Variants in TM6SF2 observed in about 807,000 individuals in gnomAD.
TM6SF2 encodes transmembrane 6 superfamily member 2.
TM6SF2 carries 29 observed loss-of-function variants against 41.0 expected under a neutral mutation model. That is an observed-to-expected ratio of 0.71 (90% CI 0.53 to 0.96). The LOEUF is 0.96. Ranked by LOEUF, TM6SF2 falls within the 50% of genes least tolerant of loss-of-function variation. The pLI, the probability that TM6SF2 is intolerant of heterozygous loss-of-function variation, is 0.00. For missense variants in TM6SF2, 475 were observed against 499.0 expected (o/e 0.95, Z 0.46); for synonymous variants, 200 against 209.1 (o/e 0.96, Z 0.37).
At chr19:19,273,058 T>TGCTTG in intron 1 of TM6SF2, 63 bp downstream of exon 1, 1 of 470,242 alleles carries the variant, frequency 2.1e-6, no homozygotes, top group East Asian at 4.1e-5. Flanking sequence ...CCACCTCCAG[T>TGCTTG]CCTCCCCGCC....
intron 1 of TM6SF2, among the ~76,000 whole-genome samples, chr19:19,272,692 G>GGTGTGT (rs55690765): frequency 0.09 from 12,285 of 136,674 alleles, 547 homozygotes; most frequent in Middle Eastern, 0.16. Flanking sequence ...AATGGAGTAG[G>GGTGTGT]GTGTGTGTGT....
Position 19,264,711 on chromosome 19 carries a change from G to C in TM6SF2, c.1087C>G (p.Gln363Glu), listed in dbSNP as rs1358568551. ...RCLQWPAFFH[Q>E]PPPSDPLALH... ...GCTAGGGGGTCGGAGGGTGGTGGCT[G>C]GTGGAAGAATGCGGGCCACTGAAGG... is the stretch of plus-strand genomic sequence containing the variant. Residue 363 changes from glutamine to glutamate, a missense_variant, in exon 10 of 10, where the codon CAG becomes GAG. Physicochemically the swap from Gln to Glu is conservative, Grantham distance 29 (BLOSUM62 2). This residue lies in a region of TM6SF2 where 190 missense variants were observed against 190.2 expected (regional missense o/e 1.00). Coordinates refer to ENST00000389363, the MANE Select transcript of TM6SF2 (RefSeq NM_001001524.3). 1 of 1,590,530 alleles carries C rather than the reference G, an allele frequency of 6.3e-7. No individual in the cohort carries two copies. Among genetic ancestry groups the C allele is most frequent in the African/African-American group, 1.3e-5 (1 of 74,132 alleles).
chr19:19,272,715 G>GTA (rs1398954340), intron 1 of TM6SF2, among the ~76,000 whole-genome samples: 1 of 148,186 alleles, frequency 6.7e-6, no homozygotes, highest in African/African-American at 2.5e-5. Flanking sequence ...GTGTGTGTGT[G>GTA]TGTGTGTGTG....
At chr19:19,267,347 C>T (rs1014956181) in intron 8 of TM6SF2, among the ~76,000 whole-genome samples, 3 of 137,782 alleles carry the variant, frequency 2.2e-5, no homozygotes, top group East Asian at 2.1e-4. Flanking sequence ...CAGCCTGGGC[C>T]ACAAGAGCAA....
Position 19,264,829 on chromosome 19 carries a change from G to C in TM6SF2, c.969C>G (p.Pro323=), listed in dbSNP as rs749478341. ...HMGASMHLRT[P]FTYRVPEDTW... is the part of the protein sequence containing the mutation. ...TGTCCTCAGGCACACGGTAGGTGAAGGGTGTGCGCAGGTGCATGGAAGCCC... is the reference window on the plus strand; with the variant it reads ...TGTCCTCAGGCACACGGTAGGTGAACGGTGTGCGCAGGTGCATGGAAGCCC... The change falls in exon 10 of 10, where the codon CCC becomes CCG. Residue 323 remains proline, a synonymous_variant. Coordinates refer to ENST00000389363, the MANE Select transcript of TM6SF2 (RefSeq NM_001001524.3). 1.0e-5 allele frequency: 16 copies of C among 1,603,222 alleles called. No homozygotes were observed. Among genetic ancestry groups the C allele is most frequent in the Non-Finnish European group, 1.4e-5 (16 of 1,175,324 alleles).
At position 19,273,246 on chromosome 19, in the gene TM6SF2, C is replaced by G. The variant is rs1391204216; in HGVS notation, c.-31G>C. The G allele has an allele frequency of 5.9e-6, 8 of 1,349,160 alleles. No individual in the cohort carries two copies. The highest frequency in any genetic ancestry group is 5.7e-6 in the Non-Finnish European group (6 of 1,049,918). 83.6% of individuals were successfully genotyped at this position (1,349,160 alleles called of 1,614,324 possible). On this transcript the variant is annotated 5_prime_UTR_variant, in exon 1 of 10. Coordinates refer to ENST00000389363, the MANE Select transcript of TM6SF2 (RefSeq NM_001001524.3). ...CGGCTGCTGGACCCCGGCTCAGCCC[C>G]GACGCGTTCTCCAGGGCGCTCGGCT...
At position 19,273,256 on chromosome 19, in the gene TM6SF2, TC is replaced by T; in HGVS notation, c.-42del. 7.6e-7 allele frequency: 1 copy of T among 1,310,232 alleles called. No individual in the cohort carries two copies. The highest frequency in any genetic ancestry group is 9.8e-7 in the Non-Finnish European group (1 of 1,023,456). 81.2% of individuals were successfully genotyped at this position (1,310,232 alleles called of 1,614,324 possible). ...ACCCCGGCTCAGCCCCGACGCGTTC[TC>T]CAGGGCGCTCGGCTCCTCGTTGGCG... On this transcript the variant is annotated 5_prime_UTR_variant, in exon 1 of 10. Transcript: ENST00000389363.
At position 19,267,772 on chromosome 19, in the gene TM6SF2, C is replaced by A. The variant is rs190427537; in HGVS notation, c.712-59G>T. ...CATACCTCCCACAGGAAGCCTCCCC[C>A]ACCCTCCCAGGCCCACACCCCTTGC... is the stretch of plus-strand genomic sequence containing the variant. On this transcript the variant is annotated intron_variant, in intron 7 of 9. Coordinates refer to ENST00000389363, the MANE Select transcript of TM6SF2 (RefSeq NM_001001524.3). 484 of 1,524,244 alleles carry A rather than the reference C, an allele frequency of 3.2e-4. 8 individuals carry two copies. In the East Asian group the frequency reaches 8.8e-3, roughly 28 times the overall value. The allele number at this position is 1,524,244 out of a possible 1,614,324, so 94.4% of individuals were successfully genotyped here. A position where few individuals can be genotyped will look rare whatever the true frequency, so the allele number is the denominator to read the frequency against.
chr19:19,268,693 T>C lies in TM6SF2; in HGVS notation c.546A>G (p.Pro182=), dbSNP rs2146577795. 1 of 1,593,142 alleles carries C rather than the reference T, an allele frequency of 6.3e-7. No homozygotes were observed. The highest frequency in any genetic ancestry group is 2.3e-5 in the East Asian group (1 of 43,792). ...FFLTIPYLLV[P]CWAGMKVFSQ... is the part of the protein sequence containing the mutation. ...TGAAGACCTTCATGCCAGCCCAGCA[T>C]GGCACCAGCAGGTAGGGGATGGTGA... The change falls in exon 6 of 10, where the codon CCA becomes CCG. Residue 182 remains proline (P), a synonymous_variant. Transcript: ENST00000389363.
chr19:19,273,058 T>TCCAGCCCCCCCCCCC, intron 1 of TM6SF2, 63 bp downstream of exon 1: 1 of 470,240 alleles, frequency 2.1e-6, no homozygotes, highest in Non-Finnish European at 3.8e-6. Flanking sequence ...CCACCTCCAG[T>TCCAGCCCCCCCCCCC]CCTCCCCGCC....
rs141568742 is a variant in TM6SF2 at position 19,266,479 on chromosome 19, C to T, written c.924+11G>A. 2.0e-4 allele frequency: 319 copies of T among 1,613,196 alleles called. 1 individual carries two copies. The African/African-American group carries it at 3.3e-3, about 17-fold the overall frequency. On this transcript the variant is annotated intron_variant, in intron 9 of 9. Coordinates refer to ENST00000389363, the MANE Select transcript of TM6SF2 (RefSeq NM_001001524.3). ...CCACATGCCTGCTCACCCACCCATC[C>T]GCCACCTCACCTGGCCGATGCCTCC...
In TM6SF2 at chr19:19,264,856, C is replaced by T. The variant is rs2060997395; in HGVS notation, c.942G>A (p.Met314Ile). 2.5e-6 allele frequency: 4 copies of T among 1,577,888 alleles called. No individual in the cohort carries two copies. The highest frequency in any genetic ancestry group is 1.7e-6 in the Non-Finnish European group (2 of 1,163,492). The change falls in exon 10 of 10, where the codon ATG becomes ATA. Residue 314 changes from methionine (M) to isoleucine (I), a missense_variant. By Grantham distance (10) the Met-to-Ile change is conservative. Around this residue, in one of 3 missense-constraint regions of TM6SF2, gnomAD observed 190 missense variants for 190.2 expected, o/e 1.00. Transcript: ENST00000389363. ...GTGTGCGCAGGTGCATGGAAGCCCC[C>T]ATGTGCGAGAACTGTGCCTGGTAGC... The part of the protein sequence containing the change: ...GGIGQAQFSH[M>I]GASMHLRTPF...
intron 5 of TM6SF2, among the ~76,000 whole-genome samples, 163 bp downstream of exon 5, chr19:19,269,524 C>A (rs937994813): frequency 5.9e-5 from 9 of 152,106 alleles, no homozygotes; most frequent in Non-Finnish European, 8.8e-5. Context: ...AAACAGGGAC[C>A]GGAAAGGGGT....
chr19:19,270,516 G>A (rs2056772281), intron 2 of TM6SF2, 74 bp from the exon 3 acceptor site: 24 of 1,511,464 alleles, frequency 1.6e-5, no homozygotes, highest in East Asian at 9.8e-5. Context: ...TAGTGTGGGC[G>A]GGGCTTGAAG....
chr19:19,266,152 C>A (rs1057461074), intron 9 of TM6SF2, among the ~76,000 whole-genome samples: 4 of 152,116 alleles, frequency 2.6e-5, no homozygotes, highest in African/African-American at 9.7e-5. Context: ...TCACTCTCTC[C>A]CTCTGTGCTT....
intron 1 of TM6SF2, 80 bp from the exon 2 acceptor site, chr19:19,271,205 C>T (rs1465514880): frequency 1.0e-5 from 12 of 1,158,268 alleles, no homozygotes; most frequent in Non-Finnish European, 5.2e-6. Context: ...GGGGAAGGGG[C>T]AGACTCCTGG....
At chr19:19,273,061 T>TAGGC in intron 1 of TM6SF2, 60 bp downstream of exon 1, 1 of 305,470 alleles carries the variant, frequency 3.3e-6, no homozygotes, top group Non-Finnish European at 6.1e-6. Context: ...CCTCCAGTCC[T>TAGGC]CCCCGCCCCC....
At chr19:19,271,829 C>A (rs528120627) in intron 1 of TM6SF2, among the ~76,000 whole-genome samples, 2 of 152,328 alleles carry the variant, frequency 1.3e-5, no homozygotes, top group South Asian at 2.1e-4. Context: ...CCACGCCTGG[C>A]CTGCCCCTTC....
At chr19:19,270,549 TC>T in intron 2 of TM6SF2, 107 bp from the exon 3 acceptor site, 1 of 1,385,326 alleles carries the variant, frequency 7.2e-7, no homozygotes, top group Non-Finnish European at 9.8e-7. Context: ...ATGAGATTAT[TC>T]CAGGCAAGGA....
Sources: allele counts gnomAD v4.1 joint callset (sites outside exome capture counted in the v4.1 genomes callset), GRCh38; gene constraint gnomAD v4.1.1; regional missense constraint gnomAD v4.1.1; transcripts MANE v1.5; gene names NCBI Gene and HGNC (gene_info 2026-07-23, HGNC 2026-07-21).